The following IBTK variants were observed in gnomAD, a reference collection of about 807,000 sequenced individuals.
IBTK encodes inhibitor of Bruton tyrosine kinase.
A neutral mutation model predicts 154.9 loss-of-function variants in IBTK; 83 were observed. The observed-to-expected ratio is 0.54, with a 90% confidence interval of 0.45 to 0.64. The LOEUF is 0.64. IBTK is among the 30% of genes least tolerant of loss of function. IBTK has a pLI of 0.00. For missense variants in IBTK, 1,332 were observed against 1,584.6 expected, an observed-to-expected ratio of 0.84 and a Z score of 2.71; for synonymous variants, 515 against 536.1, an observed-to-expected ratio of 0.96 and a Z score of 0.54.
intron 22 of IBTK, 83 bp from the exon 23 acceptor site, chr6:82,194,725 T>C (rs1057209253): frequency 1.3e-5 from 11 of 863,716 alleles, no homozygotes; most frequent in Non-Finnish European, 1.8e-5. Context: ...TAAATATTAG[T>C]TACATTATAA....
At chr6:82,215,336 C>T (rs892082220) in intron 11 of IBTK, among the ~76,000 whole-genome samples, 4 of 152,172 alleles carry the variant, frequency 2.6e-5, no homozygotes, top group Admixed American at 6.5e-5. Context: ...GCTTATGTGA[C>T]TTAGGAGATT....
chr6:82,231,850 A>G lies in IBTK; in HGVS notation c.419-8T>C. 3 of 1,516,552 alleles carry G rather than the reference A, an allele frequency of 2.0e-6. No individual in the cohort carries two copies. In the East Asian group the frequency reaches 6.8e-5, roughly 35 times the overall value. 93.9% of individuals were successfully genotyped at this position (1,516,552 alleles called of 1,614,324 possible). A position where few individuals can be genotyped will look rare whatever the true frequency, so the allele number is the denominator to read the frequency against. ...TATAAACATCTGTAGGATCTAAAAT[A>G]AAAATTAGTTTTTATACTTTTTTAT... On this transcript the variant is annotated splice_polypyrimidine_tract_variant and splice_region_variant and intron_variant, in intron 3 of 28. Coordinates refer to ENST00000306270, the MANE Select transcript of IBTK (RefSeq NM_015525.4).
At position 82,214,208 on chromosome 6, in the gene IBTK, T is replaced by C; in HGVS notation, c.2204+19A>G. The C allele has an allele frequency of 6.3e-7, 1 of 1,592,096 alleles. No homozygotes were observed. The highest frequency in any genetic ancestry group is 8.5e-7 in the Non-Finnish European group (1 of 1,171,250). On this transcript the variant is annotated intron_variant, in intron 12 of 28. Coordinates refer to ENST00000306270, the MANE Select transcript of IBTK (RefSeq NM_015525.4). ...GGACTGAATGAGGTACAGGAACAGA[T>C]ATAAAAGAGAAATCATACCTACTAC... is the stretch of plus-strand genomic sequence containing the variant.
At chr6:82,174,795 T>A in intron 26 of IBTK, 1 of 361,260 alleles carries the variant, frequency 2.8e-6, no homozygotes, top group Non-Finnish European at 5.4e-6. Flanking sequence ...AAGAATATTA[T>A]ATAATTTGTC....
intron 22 of IBTK, among the ~76,000 whole-genome samples, chr6:82,194,919 TA>T (rs1247191400): frequency 3.3e-5 from 5 of 152,198 alleles, no homozygotes; most frequent in Non-Finnish European, 5.9e-5. Context: ...AGTTAACATG[TA>T]ATATATAAAA....
At chr6:82,222,380 C>T (rs182249325) in intron 8 of IBTK, among the ~76,000 whole-genome samples, 1 of 152,094 alleles carries the variant, frequency 6.6e-6, no homozygotes, top group Non-Finnish European at 1.5e-5. Context: ...ACTAGTTGAG[C>T]TATCCACTTT....
chr6:82,240,095 G>A lies in IBTK; in HGVS notation c.321+71C>T. On this transcript the variant is annotated intron_variant, in intron 2 of 28. Coordinates refer to ENST00000306270, the MANE Select transcript of IBTK (RefSeq NM_015525.4). ...GCAAATATTTTCCAAAAAGCATGTA[G>A]GATGTATGAAAATGATTAAGAAAAA... The A allele has an allele frequency of 3.1e-6, 4 of 1,306,436 alleles. 1 individual carries two copies. Among genetic ancestry groups the A allele is most frequent in the Non-Finnish European group, 4.3e-6 (4 of 940,220 alleles). The allele number at this position is 1,306,436 out of a possible 1,614,324, so 80.9% of individuals were successfully genotyped here.
At chr6:82,235,024 C>T (rs986503947) in intron 2 of IBTK, among the ~76,000 whole-genome samples, 13 of 152,012 alleles carry the variant, frequency 8.6e-5, no homozygotes, top group African/African-American at 3.1e-4. Context: ...CCATACCCGG[C>T]TAATTTTTGT....
rs1770642497 is a variant in IBTK at position 82,234,433 on chromosome 6, G to A, written c.322-178C>T. Reference sequence around the variant, plus strand: ...GGCTCACCGCAACCTCCACCTCCCAGGTTCAAGCAATTCTCTTGCCTCAGC... The same window carrying A: ...GGCTCACCGCAACCTCCACCTCCCAAGTTCAAGCAATTCTCTTGCCTCAGC... On this transcript the variant is annotated intron_variant, in intron 2 of 28. Transcript: ENST00000306270. Among the ~76,000 whole-genome samples the A allele has an allele frequency of 5.3e-5, 8 of 151,502 alleles. No individual in the cohort carries two copies. The South Asian group carries it at 1.7e-3, about 32-fold the overall frequency.
At position 82,214,387 on chromosome 6, in the gene IBTK, C is replaced by A; in HGVS notation, c.2044G>T (p.Ala682Ser). 1.9e-6 allele frequency: 3 copies of A among 1,613,998 alleles called. No homozygotes were observed. In the Admixed American group the frequency reaches 5.0e-5, roughly 27 times the overall value. ...TGATTACTTTTGTAAACTTCAAATG[C>A]AGACTTCTGGTTATCATCTTCATGG... ...NFHEDDNQKS[A>S]FEVYKSNQAQ... The change falls in exon 12 of 29, where the codon GCA becomes TCA. Residue 682 changes from alanine to serine, a missense_variant. Transcript: ENST00000306270.
Position 82,211,384 on chromosome 6 carries a change from T to C in IBTK, c.2395A>G (p.Ser799Gly). The change falls in exon 15 of 29, where the codon AGT (serine) becomes GGT (glycine). Residue 799 changes from serine to glycine, a missense_variant. This residue lies in a region of IBTK where 1,134 missense variants were observed against 1,274.7 expected (regional missense o/e 0.89). Coordinates refer to ENST00000306270, the MANE Select transcript of IBTK (RefSeq NM_015525.4). The stretch of plus-strand genomic sequence containing the variant: ...AATCTTACCTCAATCCATGAGCTAC[T>C]CAGCATACTATGAAAATATTCTAAA... ...ARLEYFHSMLSSSWIEASSCA... is the reference protein window; with the variant it reads ...ARLEYFHSMLGSSWIEASSCA... The C allele has an allele frequency of 6.2e-7, 1 of 1,608,574 alleles. No individual in the cohort carries two copies. The highest frequency in any genetic ancestry group is 1.1e-5 in the South Asian group (1 of 89,998).
intron 5 of IBTK, 89 bp downstream of exon 5, chr6:82,227,103 A>G (rs1770326197): frequency 1.3e-6 from 1 of 774,782 alleles, no homozygotes; most frequent in Admixed American, 2.4e-5. Flanking sequence ...TCGTCCTTAC[A>G]GTTGAAAAAA....
At position 82,178,237 on chromosome 6, in the gene IBTK, C is replaced by A. The variant is rs547735553; in HGVS notation, c.3725+3642G>T. Among the ~76,000 whole-genome samples, 3 of 152,234 alleles carry A rather than the reference C, an allele frequency of 2.0e-5. No individual in the cohort carries two copies. The East Asian group carries it at 5.8e-4, about 29-fold the overall frequency. On this transcript the variant is annotated intron_variant, in intron 26 of 28. Coordinates refer to ENST00000306270, the MANE Select transcript of IBTK (RefSeq NM_015525.4). Reference sequence around the variant, plus strand: ...TCATAAACTCCATTGAGTCAAACTTCCAAAGCAGTATAACAGGGCACACTT... The same window carrying A: ...TCATAAACTCCATTGAGTCAAACTTACAAAGCAGTATAACAGGGCACACTT...
intron 25 of IBTK, among the ~76,000 whole-genome samples, chr6:82,184,465 A>G (rs1768467152): frequency 6.6e-6 from 1 of 152,260 alleles, no homozygotes; most frequent in South Asian, 2.1e-4. Flanking sequence ...TCCACTGAAG[A>G]TGACTGATGA....
In IBTK at chr6:82,220,664, T is replaced by C. The variant is rs1391553149; in HGVS notation, c.1174A>G (p.Lys392Glu). The C allele has an allele frequency of 1.2e-6, 2 of 1,611,878 alleles. No individual in the cohort carries two copies. Among genetic ancestry groups the C allele is most frequent in the East Asian group, 2.2e-5 (1 of 44,762 alleles). The change falls in exon 9 of 29, where the codon AAG (lysine) becomes GAG (glutamate). Residue 392 changes from lysine (K) to glutamate (E), a missense_variant. By Grantham distance (56) the Lys-to-Glu change is moderately conservative. Coordinates refer to ENST00000306270, the MANE Select transcript of IBTK (RefSeq NM_015525.4). The stretch of plus-strand genomic sequence containing the variant: ...TCTTTCAAATGTTCAGGATCAACCT[T>C]GTATTCCATATGACCCCCAGACACA... ...VLVSGGHMEYKVDPEHLKENG... is the reference protein window; with the variant it reads ...VLVSGGHMEYEVDPEHLKENG...
At chr6:82,220,484 G>A (rs1310868617) in intron 9 of IBTK, 106 bp downstream of exon 9, 5 of 1,182,298 alleles carry the variant, frequency 4.2e-6, no homozygotes, top group African/African-American at 3.1e-5. Flanking sequence ...AATCATCAAA[G>A]TCAATAGGAA....
intron 1 of IBTK, among the ~76,000 whole-genome samples, chr6:82,243,655 G>C (rs1447343993): frequency 6.6e-6 from 1 of 152,118 alleles, no homozygotes; most frequent in Non-Finnish European, 1.5e-5. Context: ...CATCCACTGG[G>C]GGTTTTAGAA....
intron 13 of IBTK, 51 bp downstream of exon 13, chr6:82,212,656 T>G (rs2127814052): frequency 8.3e-7 from 1 of 1,203,010 alleles, no homozygotes; most frequent in Non-Finnish European, 1.2e-6. Context: ...ATTTCCACAC[T>G]TAAGTGCCAA....
At chr6:82,225,405 A>C (rs1429648173) in intron 6 of IBTK, 72 bp downstream of exon 6, 2 of 1,185,144 alleles carry the variant, frequency 1.7e-6, no homozygotes, top group African/African-American at 3.1e-5. Flanking sequence ...TCTGTCAATA[A>C]CTTACATTTT....
Sources: allele counts gnomAD v4.1 joint callset (sites outside exome capture counted in the v4.1 genomes callset), GRCh38; gene constraint gnomAD v4.1.1; regional missense constraint gnomAD v4.1.1; transcripts MANE v1.5; gene names NCBI Gene and HGNC (gene_info 2026-07-23, HGNC 2026-07-21).